Variants in FAM107B observed in about 807,000 individuals in gnomAD.
FAM107B encodes protein FAM107B.
FAM107B carries 21 observed loss-of-function variants against 31.5 expected under a neutral mutation model. The observed-to-expected ratio is 0.67, with a 90% CI of 0.47 to 0.96. The LOEUF (loss-of-function observed/expected upper bound fraction) is 0.96, where lower values mean the gene tolerates loss of function less well. Ranked by LOEUF, FAM107B falls within the 40% of genes least tolerant of loss-of-function variation. The pLI is 0.00. For missense variants in FAM107B, 452 were observed against 377.1 expected (o/e 1.20, Z -1.64); for synonymous variants, 157 against 141.5 (o/e 1.11, Z -0.78).
At chr10:14,548,869 C>T (rs1848983346) in intron 2 of FAM107B, among the ~76,000 whole-genome samples, 1 of 150,924 alleles carries the variant, frequency 6.6e-6, no homozygotes. Flanking sequence ...TGAGTCCCCC[C>T]AAAATTCCTA....
Position 14,774,346 on chromosome 10 carries a change from T to G in FAM107B, c.318A>C (p.Glu106Asp), listed in dbSNP as rs781265506. ...RTAAQPAETP[E>D]DVPGSLDDGA... The stretch of plus-strand genomic sequence containing the variant: ...CATCATCCAGGGACCCGGGCACATC[T>G]TCAGGCGTCTCCGCGGGCTGGGCCG... Residue 106 changes from glutamate (E) to aspartate (D), a missense_variant, in exon 1 of 5, where the codon GAA becomes GAC. Physicochemically the swap from Glu to Asp is conservative, Grantham distance 45. Coordinates refer to ENST00000181796, the MANE Select transcript of FAM107B (RefSeq NM_031453.4). The G allele has an allele frequency of 3.7e-6, 6 of 1,614,220 alleles. No individual in the cohort carries two copies. Among genetic ancestry groups the G allele is most frequent in the Non-Finnish European group, 5.1e-6 (6 of 1,180,042 alleles).
intron 2 of FAM107B, among the ~76,000 whole-genome samples, chr10:14,578,624 G>A (rs148493138): frequency 8.5e-5 from 13 of 152,146 alleles, no homozygotes; most frequent in Non-Finnish European, 1.9e-4. Flanking sequence ...TCCGGAGTCC[G>A]GAAGCAGCTA....
At chr10:14,618,147 T>C (rs1852900659) in intron 2 of FAM107B, among the ~76,000 whole-genome samples, 1 of 152,190 alleles carries the variant, frequency 6.6e-6, no homozygotes, top group Non-Finnish European at 1.5e-5. Flanking sequence ...GAATGCAACA[T>C]GAAGGGTATT....
At chr10:14,535,716 G>A (rs1847538148) in intron 2 of FAM107B, among the ~76,000 whole-genome samples, 1 of 152,204 alleles carries the variant, frequency 6.6e-6, no homozygotes, top group Non-Finnish European at 1.5e-5. Context: ...TCTGAATGGA[G>A]GGGACTCACT....
chr10:14,637,513 T>C lies in FAM107B; in HGVS notation c.469+30121A>G, dbSNP rs1204490668. 2.6e-5 allele frequency among the ~76,000 whole-genome samples: 4 copies of C among 152,076 alleles called. No homozygotes were observed. In the East Asian group the frequency reaches 7.7e-4, roughly 29 times the overall value. On this transcript the variant is annotated intron_variant, in intron 2 of 4. Transcript: ENST00000181796. ...GCCAGGTGTGGTGGCTAACTTTTTA[T>C]GGTGCTTGTAGTCCCAGCTACTTAG...
At chr10:14,613,729 A>G (rs925192679) in intron 2 of FAM107B, among the ~76,000 whole-genome samples, 8 of 152,178 alleles carry the variant, frequency 5.3e-5, no homozygotes, top group African/African-American at 1.7e-4. Context: ...AGCATACACT[A>G]TGACTCAAGT....
intron 2 of FAM107B, among the ~76,000 whole-genome samples, chr10:14,608,122 G>T (rs1852638680): frequency 6.6e-6 from 1 of 152,096 alleles, no homozygotes; most frequent in African/African-American, 2.4e-5. Flanking sequence ...TCTTAAAATT[G>T]TTACTTTACA....
chr10:14,533,134 T>A (rs1461669338), intron 2 of FAM107B, among the ~76,000 whole-genome samples: 4 of 152,146 alleles, frequency 2.6e-5, no homozygotes, highest in African/African-American at 4.8e-5. Context: ...ATCTGACTCA[T>A]GAGTTAAAAG....
intron 2 of FAM107B, among the ~76,000 whole-genome samples, chr10:14,574,457 C>T (rs1410719941): frequency 1.3e-5 from 2 of 152,240 alleles, no homozygotes; most frequent in Non-Finnish European, 2.9e-5. Flanking sequence ...CCCACATACA[C>T]TTGCAGAGTT....
chr10:14,646,789 C>CTTTTTTTT (rs369557470), intron 2 of FAM107B, among the ~76,000 whole-genome samples: 13 of 86,760 alleles, frequency 1.5e-4, no homozygotes, highest in East Asian at 1.1e-3. Flanking sequence ...CCATTTTCTC[C>CTTTTTTTT]TTTTTTTTTT....
chr10:14,628,748 G>A (rs1853242523), intron 2 of FAM107B, among the ~76,000 whole-genome samples: 1 of 152,110 alleles, frequency 6.6e-6, no homozygotes, highest in South Asian at 2.1e-4. Flanking sequence ...AAAATAATTT[G>A]AGAACTGTGT....
intron 2 of FAM107B, among the ~76,000 whole-genome samples, chr10:14,549,636 C>A (rs1564554230): frequency 6.6e-6 from 1 of 152,138 alleles, no homozygotes. Context: ...CCAAGCCTTG[C>A]CATTTTCCCA....
chr10:14,565,300 C>G (rs888306715), intron 2 of FAM107B, among the ~76,000 whole-genome samples: 19 of 152,140 alleles, frequency 1.2e-4, no homozygotes, highest in Admixed American at 1.1e-3. Context: ...CCGAGGTCAC[C>G]ATGAGAACAG....
intron 1 of FAM107B, among the ~76,000 whole-genome samples, chr10:14,773,828 G>A (rs551141507): frequency 3.7e-4 from 57 of 152,240 alleles, no homozygotes; most frequent in African/African-American, 1.3e-3. Context: ...TTTAAGTAGA[G>A]GCAGTTTTGT....
intron 1 of FAM107B, among the ~76,000 whole-genome samples, chr10:14,733,868 C>A (rs535934897): frequency 1.9e-4 from 29 of 152,274 alleles, no homozygotes; most frequent in African/African-American, 7.0e-4. Context: ...ACAGGTTTTT[C>A]ATTTGGCCAT....
At chr10:14,735,513 A>C (rs1856279333) in intron 1 of FAM107B, among the ~76,000 whole-genome samples, 1 of 152,196 alleles carries the variant, frequency 6.6e-6, no homozygotes, top group Non-Finnish European at 1.5e-5. Context: ...AGGAGACGGC[A>C]CTTCGGTTTC....
At chr10:14,711,385 C>T (rs560064757) in intron 1 of FAM107B, among the ~76,000 whole-genome samples, 1 of 152,312 alleles carries the variant, frequency 6.6e-6, no homozygotes, top group Non-Finnish European at 1.5e-5. Context: ...ACAGGTGTAT[C>T]ATTTTTTATT....
chr10:14,656,349 T>G (rs1854054659), intron 2 of FAM107B, among the ~76,000 whole-genome samples: 1 of 152,242 alleles, frequency 6.6e-6, no homozygotes. Context: ...AAAACATGGG[T>G]AAATTGCAAA....
chr10:14,634,334 G>A (rs149414351), intron 2 of FAM107B, among the ~76,000 whole-genome samples: 1,802 of 151,578 alleles, frequency 0.012, 37 homozygotes, highest in African/African-American at 0.041. Context: ...CAGGAGGCTG[G>A]GGTTGCAGTG....
Sources: allele counts gnomAD v4.1 joint callset (sites outside exome capture counted in the v4.1 genomes callset), GRCh38; gene constraint gnomAD v4.1.1; transcripts MANE v1.5; gene names NCBI Gene and HGNC (gene_info 2026-07-23, HGNC 2026-07-21).